The following HVCN1 variants were observed in gnomAD, a reference collection of about 807,000 sequenced individuals.
The protein encoded by HVCN1 is voltage-gated hydrogen channel 1.
In HVCN1, 14 loss-of-function variants were observed where a neutral mutation model predicts 29.2. That is an observed-to-expected ratio of 0.48 (90% CI 0.32 to 0.75). The LOEUF is 0.75. Among genes scored for constraint, HVCN1 ranks in the 30% least tolerant of loss-of-function variants. The pLI, the probability that HVCN1 is intolerant of heterozygous loss-of-function variation, is 0.04. For missense variants in HVCN1, 263 were observed against 341.8 expected, an observed-to-expected ratio of 0.77 and a Z score of 1.82; for synonymous variants, 131 against 133.2, an observed-to-expected ratio of 0.98 and a Z score of 0.11.
intron 3 of HVCN1, among the ~76,000 whole-genome samples, chr12:110,669,979 G>T (rs770937445): frequency 1.3e-5 from 2 of 152,064 alleles, no homozygotes; most frequent in Non-Finnish European, 1.5e-5. Context: ...AGCCAAGATT[G>T]CGCCCCTGCA....
chr12:110,657,242 C>A (rs1593446799), intron 4 of HVCN1, among the ~76,000 whole-genome samples: 1 of 152,066 alleles, frequency 6.6e-6, no homozygotes, highest in African/African-American at 2.4e-5. Flanking sequence ...GCCTGTAATC[C>A]CAGCACTTTG....
At position 110,650,247 on chromosome 12, in the gene HVCN1, C is replaced by T. The variant is rs769403674; in HGVS notation, c.677G>A (p.Arg226Gln). 17 of 1,612,516 alleles carry T rather than the reference C, an allele frequency of 1.1e-5. No homozygotes were observed. Among genetic ancestry groups the T allele is most frequent in the Non-Finnish European group, 1.4e-5 (17 of 1,178,832 alleles). The stretch of plus-strand genomic sequence containing the variant: ...CATCTGTTTTAACCTTAAGAGTTGC[C>T]GTTCTGAACGTGTCTTAACTGAGAT... ...IIISVKTRSE[R>Q]QLLRLKQMNV... The change falls in exon 7 of 8, where the codon CGG becomes CAG. Residue 226 changes from arginine to glutamine, a missense_variant. Around this residue, in one of 3 missense-constraint regions of HVCN1, gnomAD observed 55 missense variants for 109.4 expected, o/e 0.50. Transcript: ENST00000242607.
chr12:110,661,137 G>T lies in HVCN1; in HGVS notation c.306+27C>A, dbSNP rs1477515349. The T allele has an allele frequency of 1.9e-6, 3 of 1,565,950 alleles. No individual in the cohort carries two copies. The highest frequency in any genetic ancestry group is 2.6e-6 in the Non-Finnish European group (3 of 1,153,584). On this transcript the variant is annotated intron_variant, in intron 4 of 7. Coordinates refer to ENST00000242607, the MANE Select transcript of HVCN1 (RefSeq NM_032369.4). This position sits in a 1 kb window ranked among gnomAD's most constrained non-coding sequence, Gnocchi z 6.2. The stretch of plus-strand genomic sequence containing the variant: ...CCCGATGGCTCTCCTGCCAGCTCTG[G>T]GTATCCCGGACTCCTGCCCCACCTA...
intron 1 of HVCN1, among the ~76,000 whole-genome samples, chr12:110,704,460 G>C (rs1379924010): frequency 6.6e-6 from 1 of 151,792 alleles, no homozygotes; most frequent in Non-Finnish European, 1.5e-5. Flanking sequence ...ACCAGCCTGG[G>C]GCAACATAGC....
chr12:110,660,125 C>A (rs2068119530), intron 4 of HVCN1, among the ~76,000 whole-genome samples: 1 of 151,508 alleles, frequency 6.6e-6, no homozygotes, highest in South Asian at 2.1e-4. Flanking sequence ...ACCTGTAATC[C>A]CAGCACTTTG....
chr12:110,665,620 C>A (rs2068320315), intron 3 of HVCN1, among the ~76,000 whole-genome samples: 1 of 149,876 alleles, frequency 6.7e-6, no homozygotes, highest in Non-Finnish European at 1.5e-5. Context: ...GACTTGAAAA[C>A]AGATATTACA....
At chr12:110,657,264 C>T (rs949243837) in intron 4 of HVCN1, among the ~76,000 whole-genome samples, 3 of 152,080 alleles carry the variant, frequency 2.0e-5, no homozygotes, top group African/African-American at 4.8e-5. Context: ...GAGGCAGAGG[C>T]GGGCAGATCA....
rs146855907 is a variant in HVCN1, at chr12:110,651,375, C to A, written c.485G>T (p.Arg162Leu). Reference protein sequence around the residue: ...MEIIFKLFVFRLEFFHHKFEI... With the variant: ...MEIIFKLFVFLLEFFHHKFEI... ...AAACTTGTGGTGAAAGAACTCCAGG[C>A]GGAAGACAAATAATTTAAAGATGAT... Residue 162 changes from arginine to leucine, a missense_variant, in exon 6 of 8, where the codon CGC becomes CTC. By Grantham distance (102) the Arg-to-Leu change is moderately radical. Around this residue, in one of 3 missense-constraint regions of HVCN1, gnomAD observed 55 missense variants for 109.4 expected, o/e 0.50. Coordinates refer to ENST00000242607, the MANE Select transcript of HVCN1 (RefSeq NM_032369.4). 6.2e-7 allele frequency: 1 copy of A among 1,613,872 alleles called. No homozygotes were observed. The highest frequency in any genetic ancestry group is 1.7e-5 in the Admixed American group (1 of 60,002).
intron 6 of HVCN1, among the ~76,000 whole-genome samples, chr12:110,650,738 A>G (rs2067772512): frequency 7.0e-6 from 1 of 142,558 alleles, no homozygotes; most frequent in Non-Finnish European, 1.5e-5. Context: ...TCTGTCACCC[A>G]GGCTAGAGTG....
intron 1 of HVCN1, chr12:110,702,477 T>TTTATTA (rs959156188): frequency 6.6e-6 from 1 of 151,808 alleles, no homozygotes; most frequent in Non-Finnish European, 1.5e-5. Context: ...AACTATTTAA[T>TTTATTA]TTATTATTAT....
intron 2 of HVCN1, among the ~76,000 whole-genome samples, chr12:110,696,305 C>A (rs1024517026): frequency 3.3e-5 from 5 of 152,066 alleles, no homozygotes; most frequent in African/African-American, 1.2e-4. Flanking sequence ...ATAACATAAA[C>A]GTTACCATTT....
At chr12:110,698,761 C>A (rs553467577) in intron 2 of HVCN1, among the ~76,000 whole-genome samples, 1 of 152,214 alleles carries the variant, frequency 6.6e-6, no homozygotes, top group African/African-American at 2.4e-5. Context: ...CCCCCGCTTC[C>A]CTCCTTCCGT....
At chr12:110,700,079 G>A (rs965882687) in intron 2 of HVCN1, among the ~76,000 whole-genome samples, 1 of 152,218 alleles carries the variant, frequency 6.6e-6, no homozygotes, top group African/African-American at 2.4e-5. Flanking sequence ...TGCCCAGAGT[G>A]GCCACACGAC....
intron 3 of HVCN1, among the ~76,000 whole-genome samples, chr12:110,675,987 G>A (rs1181902873): frequency 2.0e-5 from 3 of 152,198 alleles, no homozygotes; most frequent in African/African-American, 7.2e-5. Context: ...CTTAGCAGAG[G>A]AGCAAACTGA....
At position 110,651,575 on chromosome 12, in the gene HVCN1, T is replaced by G. The variant is rs1214155013; in HGVS notation, c.412-127A>C. 5.9e-6 allele frequency: 4 copies of G among 673,746 alleles called. No individual in the cohort carries two copies. The South Asian group carries it at 7.0e-5, about 12-fold the overall frequency. The allele number at this position is 673,746 out of a possible 1,614,324, so 41.7% of individuals were successfully genotyped here. A position where few individuals can be genotyped will look rare whatever the true frequency, so the allele number is the denominator to read the frequency against. ...GTGGACAAATCCAGATGCCCAGTGC[T>G]GGAAACACAGCTGTGAACACCACAG... On this transcript the variant is annotated intron_variant, in intron 5 of 7. Transcript: ENST00000242607.
chr12:110,666,020 GAAAA>G (rs111302602), intron 3 of HVCN1, among the ~76,000 whole-genome samples: 1 of 121,164 alleles, frequency 8.3e-6, no homozygotes, highest in African/African-American at 3.0e-5. Flanking sequence ...AAAAAAGAAG[GAAAA>G]AAAAAAAAAG....
At chr12:110,696,937 G>A (rs894504536) in intron 2 of HVCN1, among the ~76,000 whole-genome samples, 11 of 152,030 alleles carry the variant, frequency 7.2e-5, no homozygotes, top group African/African-American at 2.4e-4. Flanking sequence ...GATAAGGATG[G>A]CTTGGACAAG....
chr12:110,651,458 A>T lies in HVCN1; in HGVS notation c.412-10T>A, dbSNP rs1215873647. On this transcript the variant is annotated splice_polypyrimidine_tract_variant and intron_variant, in intron 5 of 7. Coordinates refer to ENST00000242607, the MANE Select transcript of HVCN1 (RefSeq NM_032369.4). ...TCATGTAGTGGAATACCTGAAGGGG[A>T]CAAGGAACCACAGTCAGGGGAGATT... 1 of 1,574,214 alleles carries T rather than the reference A, an allele frequency of 6.4e-7. No homozygotes were observed.
chr12:110,661,354 T>A lies in HVCN1; in HGVS notation c.116A>T (p.Asn39Ile). 1.2e-6 allele frequency: 2 copies of A among 1,614,222 alleles called. No homozygotes were observed. The highest frequency in any genetic ancestry group is 8.5e-7 in the Non-Finnish European group (1 of 1,180,030). The change falls in exon 4 of 8, where the codon AAC becomes ATC. Residue 39 changes from asparagine to isoleucine, a missense_variant. This residue lies in a region of HVCN1 where 157 missense variants were observed against 181.3 expected (regional missense o/e 0.87). Coordinates refer to ENST00000242607, the MANE Select transcript of HVCN1 (RefSeq NM_032369.4). This position sits in a 1 kb window ranked among gnomAD's most constrained non-coding sequence, Gnocchi z 6.2. ...ATTCTCCCATTTCTTGTAGTTGATGTTCCAGGCATGGTAGTCGTCTCCCAC... is the reference window on the plus strand; with the variant it reads ...ATTCTCCCATTTCTTGTAGTTGATGATCCAGGCATGGTAGTCGTCTCCCAC... ...TVVGDDYHAW[N>I]INYKKWENEE...
Sources: allele counts gnomAD v4.1 joint callset (sites outside exome capture counted in the v4.1 genomes callset), GRCh38; gene constraint gnomAD v4.1.1; regional missense constraint gnomAD v4.1.1; non-coding constraint Gnocchi (gnomAD v3.1); transcripts MANE v1.5; gene names NCBI Gene and HGNC (gene_info 2026-07-23, HGNC 2026-07-21).